Variants in TRDN observed in about 807,000 individuals in gnomAD.
The protein encoded by TRDN is triadin.
A neutral mutation model predicts 149.7 loss-of-function variants in TRDN; 161 were observed. That is an observed-to-expected ratio of 1.08 (90% CI 0.95 to 1.23). The LOEUF (loss-of-function observed/expected upper bound fraction) is 1.23. Ranked by LOEUF, TRDN falls within the 50% of genes most tolerant of loss-of-function variation. The pLI is 0.00. For synonymous variants in TRDN, 294 were observed against 250.5 expected, an observed-to-expected ratio of 1.17 and a Z score of -1.64; for missense variants, 896 against 823.5, an observed-to-expected ratio of 1.09 and a Z score of -1.08.
chr6:123,307,724 C>A (rs920326656), intron 24 of TRDN, among the ~76,000 whole-genome samples: 3 of 151,888 alleles, frequency 2.0e-5, no homozygotes, highest in Admixed American at 2.0e-4. Flanking sequence ...GAAAGTGTTT[C>A]CACTTTGGGA....
chr6:123,267,754 A>G lies in TRDN; in HGVS notation c.1739-3T>C. 6.4e-7 allele frequency: 1 copy of G among 1,568,622 alleles called. No homozygotes were observed. Among genetic ancestry groups the G allele is most frequent in the Non-Finnish European group, 8.6e-7 (1 of 1,157,344 alleles). ...TCTTTCTCGATGTTCAGCTTTTTCT[A>G]GAGAAAGAAATCAAAATTCACTGGC... On this transcript the variant is annotated splice_region_variant and splice_polypyrimidine_tract_variant and intron_variant, in intron 31 of 40. Coordinates refer to ENST00000334268, the MANE Select transcript of TRDN (RefSeq NM_006073.4).
chr6:123,329,761 G>A (rs1358525313), intron 23 of TRDN, among the ~76,000 whole-genome samples: 1 of 151,966 alleles, frequency 6.6e-6, no homozygotes, highest in Non-Finnish European at 1.5e-5. Context: ...AAATAAAAAT[G>A]ACTAATTAAA....
intron 8 of TRDN, chr6:123,503,249 C>T (rs1778774468): frequency 1.0e-6 from 1 of 984,940 alleles, no homozygotes; most frequent in African/African-American, 1.7e-5. Context: ...AAATGATGTG[C>T]TCTTGCCAAT....
rs1583309409 is a variant in TRDN at position 123,602,079 on chromosome 6, G to A, written c.23-30947C>T. On this transcript the variant is annotated intron_variant, in intron 1 of 40. Coordinates refer to ENST00000334268, the MANE Select transcript of TRDN (RefSeq NM_006073.4). ...ATGTCAGGCACCATTCTAAACACTG[G>A]CAATATAGTCCCTGCTCTCATGACG... is the stretch of plus-strand genomic sequence containing the variant. Among the ~76,000 whole-genome samples, 4 of 152,064 alleles carry A rather than the reference G, an allele frequency of 2.6e-5. No individual in the cohort carries two copies. The South Asian group carries it at 6.2e-4, about 24-fold the overall frequency.
intron 38 of TRDN, 27 bp downstream of exon 38, chr6:123,252,385 C>G (rs113739660): frequency 7.0e-7 from 1 of 1,423,426 alleles, no homozygotes; most frequent in Non-Finnish European, 9.6e-7. Context: ...TCAAAGAGAA[C>G]TTGTCATTAA....
At chr6:123,463,160 A>G (rs905814290) in intron 10 of TRDN, 1 of 151,890 alleles carries the variant, frequency 6.6e-6, no homozygotes, top group African/African-American at 2.4e-5. Context: ...ACACGGTGAA[A>G]CCCCGTCTCT....
chr6:123,455,480 C>T (rs1331546165), intron 10 of TRDN, among the ~76,000 whole-genome samples: 3 of 150,632 alleles, frequency 2.0e-5, no homozygotes, highest in East Asian at 1.9e-4. Context: ...AAAAGAGGAG[C>T]GAGACGGGAG....
intron 6 of TRDN, among the ~76,000 whole-genome samples, chr6:123,513,539 G>C (rs1779273488): frequency 1.3e-5 from 2 of 151,942 alleles, no homozygotes; most frequent in African/African-American, 4.8e-5. Context: ...AGAGCCTAGT[G>C]CTAATAATTC....
chr6:123,299,682 A>G (rs972542360), intron 24 of TRDN, among the ~76,000 whole-genome samples: 13 of 152,048 alleles, frequency 8.5e-5, no homozygotes, highest in African/African-American at 3.1e-4. Flanking sequence ...GATAGACTTG[A>G]GAAAATTATT....
rs557139679 is a variant in TRDN, at chr6:123,425,903, A to C, written c.1051+12160T>G. Among the ~76,000 whole-genome samples the C allele has an allele frequency of 5.3e-4, 81 of 152,130 alleles. 2 individuals carry two copies. In the South Asian group the frequency reaches 0.016, roughly 31 times the overall value. On this transcript the variant is annotated intron_variant, in intron 12 of 40. Coordinates refer to ENST00000334268, the MANE Select transcript of TRDN (RefSeq NM_006073.4). ...CTATCTATCATCTATCTATCTATCT[A>C]TCTATCATCTATCTACACACACACA...
At chr6:123,560,322 A>C (rs965569555) in intron 2 of TRDN, among the ~76,000 whole-genome samples, 18 of 152,182 alleles carry the variant, frequency 1.2e-4, no homozygotes, top group African/African-American at 3.9e-4. Context: ...AAGGGGCTAC[A>C]CATCAATATT....
chr6:123,404,517 C>A (rs1007338220), intron 12 of TRDN, among the ~76,000 whole-genome samples: 3 of 152,178 alleles, frequency 2.0e-5, no homozygotes, highest in East Asian at 1.9e-4. Flanking sequence ...GATGAGATCT[C>A]AGGTAACTGC....
intron 24 of TRDN, among the ~76,000 whole-genome samples, chr6:123,280,552 A>G (rs1326289580): frequency 1.3e-5 from 2 of 151,866 alleles, no homozygotes; most frequent in Non-Finnish European, 2.9e-5. Flanking sequence ...GAATCTTCCT[A>G]TCTACATATA....
intron 9 of TRDN, among the ~76,000 whole-genome samples, chr6:123,494,237 T>A (rs912962962): frequency 1.3e-5 from 2 of 152,196 alleles, no homozygotes; most frequent in African/African-American, 4.8e-5. Flanking sequence ...TTAGGACTTT[T>A]TAGAGTATGT....
chr6:123,596,229 G>C (rs74433657), intron 1 of TRDN, among the ~76,000 whole-genome samples: 341 of 152,150 alleles, frequency 2.2e-3, no homozygotes, highest in Non-Finnish European at 4.5e-3. Context: ...ACTCCCTTCA[G>C]CCAAAGCCTA....
chr6:123,435,852 C>A (rs1422895442), intron 12 of TRDN, among the ~76,000 whole-genome samples: 1 of 152,062 alleles, frequency 6.6e-6, no homozygotes, highest in Non-Finnish European at 1.5e-5. Context: ...CAGTGGTGCA[C>A]AACCTCACTT....
At chr6:123,574,857 C>CATATATATATATATATATAT (rs1162190609) in intron 1 of TRDN, among the ~76,000 whole-genome samples, 4 of 50,546 alleles carry the variant, frequency 7.9e-5, no homozygotes, top group South Asian at 6.3e-4. Context: ...TTTATATATA[C>CATATATATATATATATATAT]ATATATATAT....
At chr6:123,526,149 G>A (rs1779935566) in intron 5 of TRDN, among the ~76,000 whole-genome samples, 1 of 152,022 alleles carries the variant, frequency 6.6e-6, no homozygotes, top group Admixed American at 6.6e-5. Context: ...ACTGAAAATA[G>A]TAGAAAGGGG....
chr6:123,236,326 T>G (rs938036742), intron 38 of TRDN, among the ~76,000 whole-genome samples: 1 of 152,206 alleles, frequency 6.6e-6, no homozygotes, highest in African/African-American at 2.4e-5. Context: ...GAACTATGTG[T>G]TAAAATCTTT....
Sources: allele counts gnomAD v4.1 joint callset (sites outside exome capture counted in the v4.1 genomes callset), GRCh38; gene constraint gnomAD v4.1.1; transcripts MANE v1.5; gene names NCBI Gene and HGNC (gene_info 2026-07-23, HGNC 2026-07-21).